The following TMEM178A variants were observed in gnomAD, a reference collection of about 807,000 sequenced individuals.
The protein encoded by TMEM178A is transmembrane protein 178A, also known as transmembrane protein 178.
TMEM178A carries 12 observed loss-of-function variants against 29.1 expected under a neutral mutation model. The ratio of observed to expected loss-of-function variants is 0.41; its 90% CI spans 0.26 to 0.67. The LOEUF is 0.67. Ranked by LOEUF, TMEM178A falls within the 30% of genes least tolerant of loss-of-function variation. The pLI is 0.29. For missense variants in TMEM178A, 366 were observed against 419.1 expected, an observed-to-expected ratio of 0.87 and a Z score of 1.11; for synonymous variants, 210 against 187.2, an observed-to-expected ratio of 1.12 and a Z score of -0.99.
At chr2:39,713,894 T>G (rs1251280513) in intron 3 of TMEM178A, among the ~76,000 whole-genome samples, 1 of 152,198 alleles carries the variant, frequency 6.6e-6, no homozygotes, top group Non-Finnish European at 1.5e-5. Flanking sequence ...GAATTTAGGA[T>G]TTTTTGTTTT....
chr2:39,695,426 G>A (rs539612880), intron 1 of TMEM178A, among the ~76,000 whole-genome samples: 2 of 150,016 alleles, frequency 1.3e-5, no homozygotes, highest in South Asian at 2.2e-4. Flanking sequence ...TTCTGATCTA[G>A]TAGGCAGTGA....
intron 1 of TMEM178A, among the ~76,000 whole-genome samples, chr2:39,678,251 A>G (rs1436963694): frequency 1.3e-5 from 2 of 152,348 alleles, no homozygotes; most frequent in South Asian, 2.1e-4. Flanking sequence ...AAAGTTGAAA[A>G]CAGATACTCA....
intron 1 of TMEM178A, chr2:39,687,188 T>G (rs532857631): frequency 6.1e-6 from 1 of 164,606 alleles, no homozygotes; most frequent in Admixed American, 6.5e-5. Flanking sequence ...CATGCTGTCG[T>G]CAGAACTGGA....
At chr2:39,708,067 CATAAACA>C in intron 3 of TMEM178A, among the ~76,000 whole-genome samples, 1 of 152,210 alleles carries the variant, frequency 6.6e-6, no homozygotes, top group African/African-American at 2.4e-5. Flanking sequence ...TGTGGAGAGA[CATAAACA>C]ATGATTTGTG....
At chr2:39,732,071 A>C in the TMEM178A span, among the ~76,000 whole-genome samples, 1 of 152,014 alleles carries the variant, frequency 6.6e-6, no homozygotes, top group African/African-American at 2.4e-5. Flanking sequence ...CTAAACTGAT[A>C]CTCATGAGGA....
In TMEM178A at chr2:39,717,045, G is replaced by A. The variant is rs141928270; in HGVS notation, c.688G>A (p.Ala230Thr). ...FCTISLCTYA[A>T]SISYDLNRLP... ...CACCATTTCCCTCTGTACTTATGCC[G>A]CCAGTATCTCGTATGATTTGAACCG... Residue 230 changes from alanine (A) to threonine (T), a missense_variant, in exon 4 of 4, where the codon GCC becomes ACC. This residue lies in a region of TMEM178A where 119 missense variants were observed against 172.2 expected (regional missense o/e 0.69). Coordinates refer to ENST00000281961, the MANE Select transcript of TMEM178A (RefSeq NM_152390.3). 1.6e-5 allele frequency: 26 copies of A among 1,610,270 alleles called. No homozygotes were observed. Among genetic ancestry groups the A allele is most frequent in the Admixed American group, 3.4e-5 (2 of 59,420 alleles).
At chr2:39,735,455 TG>T in the TMEM178A span, among the ~76,000 whole-genome samples, 2 of 152,338 alleles carry the variant, frequency 1.3e-5, no homozygotes, top group Middle Eastern at 3.4e-3. Flanking sequence ...CTCAGGTTTT[TG>T]GTGTTTCCCA....
At chr2:39,701,855 C>A (rs181924566) in intron 1 of TMEM178A, among the ~76,000 whole-genome samples, 1 of 152,058 alleles carries the variant, frequency 6.6e-6, no homozygotes, top group Non-Finnish European at 1.5e-5. Flanking sequence ...AGTTATTATA[C>A]TTTTCAACTC....
At chr2:39,723,626 A>C in the TMEM178A span, among the ~76,000 whole-genome samples, 722 of 152,298 alleles carry the variant, frequency 4.7e-3, 7 homozygotes, top group African/African-American at 0.015. Flanking sequence ...GGACTGCCTC[A>C]GTACCTCCTC....
intron 3 of TMEM178A, among the ~76,000 whole-genome samples, chr2:39,713,750 A>C (rs1453451525): frequency 2.6e-5 from 4 of 152,268 alleles, no homozygotes; most frequent in African/African-American, 9.6e-5. Context: ...AAACTCACAC[A>C]TATGAGTACT....
chr2:39,699,541 A>G (rs1392558714), intron 1 of TMEM178A, among the ~76,000 whole-genome samples: 1 of 151,212 alleles, frequency 6.6e-6, no homozygotes, highest in African/African-American at 2.4e-5. Flanking sequence ...ACTGCAGCCT[A>G]CATCTCCTGG....
rs1002717806 is a variant in TMEM178A, at chr2:39,666,265, C to T, written c.291C>T (p.Gly97=). The change falls in exon 1 of 4, where the codon GGC becomes GGT. Residue 97 remains glycine (G), a synonymous_variant. Coordinates refer to ENST00000281961, the MANE Select transcript of TMEM178A (RefSeq NM_152390.3). Reference sequence around the variant, plus strand: ...CCTGGCGCTCGCTCCTGGGGCTCGGCGGGCTGGACGCCGAGTGCGGCCGGC... The same window carrying T: ...CCTGGCGCTCGCTCCTGGGGCTCGGTGGGCTGGACGCCGAGTGCGGCCGGC... ...PESWRSLLGL[G]GLDAECGRPL... 4.2e-5 allele frequency: 58 copies of T among 1,385,442 alleles called. No individual in the cohort carries two copies. The highest frequency in any genetic ancestry group is 5.0e-5 in the Non-Finnish European group (53 of 1,069,196). 85.8% of individuals were successfully genotyped at this position (1,385,442 alleles called of 1,614,324 possible). A position where few individuals can be genotyped will look rare whatever the true frequency, so the allele number is the denominator to read the frequency against.
rs529411894 is a variant in TMEM178A at position 39,697,143 on chromosome 2, C to T, written c.401-6938C>T. 3.2e-4 allele frequency among the ~76,000 whole-genome samples: 49 copies of T among 152,284 alleles called. 2 individuals carry two copies. The South Asian group carries it at 5.2e-3, about 16-fold the overall frequency. On this transcript the variant is annotated intron_variant, in intron 1 of 3. Coordinates refer to ENST00000281961, the MANE Select transcript of TMEM178A (RefSeq NM_152390.3). ...TTAACATAACACTGCATGGAACTTC[C>T]GTCACCATCTATGTATATATATGTG... is the stretch of plus-strand genomic sequence containing the variant.
intron 1 of TMEM178A, among the ~76,000 whole-genome samples, chr2:39,685,882 C>A (rs1052999338): frequency 6.6e-6 from 1 of 152,204 alleles, no homozygotes; most frequent in South Asian, 2.1e-4. Context: ...GAAGTGACAA[C>A]CTCCTGGTCT....
chr2:39,679,211 A>G (rs1670763177), intron 1 of TMEM178A, among the ~76,000 whole-genome samples: 2 of 152,314 alleles, frequency 1.3e-5, no homozygotes, highest in Admixed American at 6.5e-5. Context: ...CTGCCATAGA[A>G]TGGTTGTTGA....
chr2:39,728,075 C>T, the TMEM178A span, among the ~76,000 whole-genome samples: 1 of 152,108 alleles, frequency 6.6e-6, no homozygotes, highest in African/African-American at 2.4e-5. Context: ...TGGGTATGTA[C>T]CCAGTAATGG....
the TMEM178A span, among the ~76,000 whole-genome samples, chr2:39,729,071 C>A: frequency 2.6e-5 from 4 of 151,814 alleles, no homozygotes; most frequent in African/African-American, 9.7e-5. Context: ...CTAGGTTGTT[C>A]GGCAGAAAAG....
intron 2 of TMEM178A, among the ~76,000 whole-genome samples, chr2:39,704,611 A>G (rs1054691440): frequency 6.6e-6 from 1 of 152,214 alleles, no homozygotes; most frequent in African/African-American, 2.4e-5. Flanking sequence ...TATTTCTGCT[A>G]AAATACCTTT....
At chr2:39,708,470 G>A (rs1419643706) in intron 3 of TMEM178A, among the ~76,000 whole-genome samples, 1 of 139,364 alleles carries the variant, frequency 7.2e-6, no homozygotes, top group Non-Finnish European at 1.5e-5. Context: ...CCAGGCTGGA[G>A]TGCAGTGGCG....
Sources: allele counts gnomAD v4.1 joint callset (sites outside exome capture counted in the v4.1 genomes callset), GRCh38; gene constraint gnomAD v4.1.1; regional missense constraint gnomAD v4.1.1; transcripts MANE v1.5; gene names NCBI Gene and HGNC (gene_info 2026-07-23, HGNC 2026-07-21).